ZFP69: variants seen among roughly 807,000 people sequenced by gnomAD.
The protein encoded by ZFP69 is zinc finger protein 69 homolog.
ZFP69 carries 35 observed loss-of-function variants against 48.9 expected under a neutral mutation model. That is an observed-to-expected ratio of 0.72 (90% CI 0.55 to 0.95). The LOEUF (loss-of-function observed/expected upper bound fraction) is 0.95, where lower values mean the gene tolerates loss of function less well. Ranked by LOEUF, ZFP69 falls within the 40% of genes least tolerant of loss-of-function variation. ZFP69 has a pLI of 0.00. For synonymous variants in ZFP69, 193 were observed against 216.8 expected (o/e 0.89, Z 0.96); for missense variants, 557 against 638.4 (o/e 0.87, Z 1.37).
Position 40,479,387 on chromosome 1 carries a change from T to C in ZFP69, c.26T>C (p.Leu9Pro). 2 of 1,613,978 alleles carry C rather than the reference T, an allele frequency of 1.2e-6. No homozygotes were observed. Among genetic ancestry groups the C allele is most frequent in the Non-Finnish European group, 1.7e-6 (2 of 1,179,936 alleles). MPQQLLITLPTEASTWVKL... is the reference protein window; with the variant it reads MPQQLLITPPTEASTWVKL... ...ATGCCACAGCAGCTCCTGATCACCC[T>C]GCCTACCGAGGCCAGCACCTGGGTG... Residue 9 changes from leucine (L) to proline (P), a missense_variant, in exon 2 of 6, where the codon CTG (leucine) becomes CCG (proline). Coordinates refer to ENST00000372706, the MANE Select transcript of ZFP69 (RefSeq NM_001320179.2).
rs56706952 is a variant in ZFP69 at position 40,483,226 on chromosome 1, A to ATTTTTTTTTTTTTTTTTTTTTTTTT, written c.219+1392_219+1393insTTTTTTTTTTTTTTTTTTTTTTTTT. ...AAAATCAAACCATACACCTTTTTTA[A>ATTTTTTTTTTTTTTTTTTTTTTTTT]TTTTTTTTTTTTTTTTTTTTAGAGA... is the stretch of plus-strand genomic sequence containing the variant. On this transcript the variant is annotated intron_variant, in intron 3 of 5. Coordinates refer to ENST00000372706, the MANE Select transcript of ZFP69 (RefSeq NM_001320179.2). Among the ~76,000 whole-genome samples, 55 of 116,950 alleles carry ATTTTTTTTTTTTTTTTTTTTTTTTT rather than the reference A, an allele frequency of 4.7e-4. 3 individuals are homozygous for ATTTTTTTTTTTTTTTTTTTTTTTTT. The highest frequency in any genetic ancestry group is 2.0e-3 in the African/African-American group (54 of 27,254). 76.7% of individuals were successfully genotyped at this position (116,950 alleles called of 152,430 possible).
intron 5 of ZFP69, among the ~76,000 whole-genome samples, chr1:40,494,614 T>A (rs1458410826): frequency 2.0e-5 from 3 of 146,922 alleles, no homozygotes; most frequent in Non-Finnish European, 3.0e-5. Flanking sequence ...TTTATAAATA[T>A]TTTATATATA....
rs184428926 is a variant in ZFP69 at position 40,478,855 on chromosome 1, G to T, written c.-326-181G>T. On this transcript the variant is annotated intron_variant, in intron 1 of 5. Transcript: ENST00000372706. ...CCCCGTCTGTGTCCAGGCAGAAGAT[G>T]CATGCAGCTTACAAGGAGGGAAGAT... 7.2e-5 allele frequency among the ~76,000 whole-genome samples: 11 copies of T among 152,270 alleles called. 1 individual carries two copies. The East Asian group carries it at 2.1e-3, about 29-fold the overall frequency.
At position 40,496,118 on chromosome 1, in the gene ZFP69, T is replaced by TA. The variant is rs1427119109; in HGVS notation, c.*63dup. The TA allele has an allele frequency of 1.3e-6, 2 of 1,496,920 alleles. No homozygotes were observed. 92.7% of individuals were successfully genotyped at this position (1,496,920 alleles called of 1,614,324 possible). On this transcript the variant is annotated 3_prime_UTR_variant, in exon 6 of 6. Transcript: ENST00000372706. ...TGTAAATTGGTGATTTAGAGTGCTT[T>TA]AAAATTTCAGGACTCAGATATGAGG...
At chr1:40,489,280 T>C (rs1018452149) in intron 4 of ZFP69, 66 bp downstream of exon 4, 25 of 1,572,770 alleles carry the variant, frequency 1.6e-5, no homozygotes, top group Non-Finnish European at 1.9e-5. Context: ...TTTTAAATTA[T>C]TGATGTGTAG....
intron 2 of ZFP69, among the ~76,000 whole-genome samples, chr1:40,479,836 G>A (rs552399717): frequency 6.6e-6 from 1 of 152,328 alleles, no homozygotes; most frequent in Admixed American, 6.5e-5. Flanking sequence ...TTCCTGCACA[G>A]GTTCCAGTCA....
intron 4 of ZFP69, 106 bp from the exon 5 acceptor site, chr1:40,489,423 C>T (rs1645539800): frequency 2.6e-6 from 3 of 1,169,848 alleles, no homozygotes; most frequent in Non-Finnish European, 3.7e-6. Flanking sequence ...AAGACCCACC[C>T]CTTTCCACTT....
intron 3 of ZFP69, among the ~76,000 whole-genome samples, chr1:40,487,909 T>C (rs1645518683): frequency 6.6e-6 from 1 of 151,910 alleles, no homozygotes; most frequent in Non-Finnish European, 1.5e-5. Flanking sequence ...TAGCTGGGCG[T>C]GGTGGCGTGC....
chr1:40,488,661 T>C (rs1488418277), intron 3 of ZFP69, among the ~76,000 whole-genome samples: 5 of 152,244 alleles, frequency 3.3e-5, no homozygotes, highest in Non-Finnish European at 7.3e-5. Context: ...CCTTTGCACC[T>C]GCCCAGGATG....
At chr1:40,484,012 G>T (rs1405493015) in intron 3 of ZFP69, among the ~76,000 whole-genome samples, 1 of 151,960 alleles carries the variant, frequency 6.6e-6, no homozygotes, top group Non-Finnish European at 1.5e-5. Flanking sequence ...GGAGGCGGAG[G>T]TTGCATGAGC....
chr1:40,483,733 A>T (rs1431278767), intron 3 of ZFP69, among the ~76,000 whole-genome samples: 1 of 152,186 alleles, frequency 6.6e-6, no homozygotes, highest in African/African-American at 2.4e-5. Flanking sequence ...CCAATCCTAG[A>T]TGGCAGATAT....
intron 5 of ZFP69, chr1:40,491,084 G>A (rs1645563059): frequency 6.6e-6 from 1 of 152,242 alleles, no homozygotes; most frequent in South Asian, 2.1e-4. Flanking sequence ...CTATATATCA[G>A]TGTATACATA....
chr1:40,478,122 T>TCTCACACACA (rs369707870), intron 1 of ZFP69, among the ~76,000 whole-genome samples: 5 of 147,148 alleles, frequency 3.4e-5, no homozygotes, highest in African/African-American at 1.0e-4. Context: ...CTGCATATAG[T>TCTCACACACA]CACACACACA....
intron 3 of ZFP69, among the ~76,000 whole-genome samples, chr1:40,486,284 T>C (rs1463886805): frequency 6.6e-6 from 1 of 151,890 alleles, no homozygotes; most frequent in Non-Finnish European, 1.5e-5. Flanking sequence ...TGTGGGTTGA[T>C]TTTTTTTCCT....
chr1:40,494,490 G>T (rs978441660), intron 5 of ZFP69, among the ~76,000 whole-genome samples: 2 of 145,634 alleles, frequency 1.4e-5, no homozygotes, highest in Non-Finnish European at 3.0e-5. Context: ...GGATGGTCTC[G>T]ATCTCCTGAC....
intron 5 of ZFP69, among the ~76,000 whole-genome samples, chr1:40,494,338 G>A (rs1007463635): frequency 5.4e-5 from 7 of 130,306 alleles, no homozygotes; most frequent in African/African-American, 1.8e-4. Context: ...GCGGGATCTC[G>A]GCTCACTGCA....
At chr1:40,486,091 T>G (rs1435018739) in intron 3 of ZFP69, among the ~76,000 whole-genome samples, 2 of 151,958 alleles carry the variant, frequency 1.3e-5, no homozygotes, top group African/African-American at 4.8e-5. Flanking sequence ...TTTTATTTTT[T>G]ATTTTGTGTA....
intron 1 of ZFP69, among the ~76,000 whole-genome samples, chr1:40,478,671 ATTGTCT>A (rs1645413528): frequency 6.6e-6 from 1 of 152,232 alleles, no homozygotes; most frequent in African/African-American, 2.4e-5. Context: ...TATGCCTAGC[ATTGTCT>A]CAACCAACAT....
rs777849287 is a variant in ZFP69 at position 40,494,959 on chromosome 1, A to G, written c.481A>G (p.Lys161Glu). 13 of 1,613,310 alleles carry G rather than the reference A, an allele frequency of 8.1e-6. No homozygotes were observed. Among genetic ancestry groups the G allele is most frequent in the Non-Finnish European group, 1.0e-5 (12 of 1,179,784 alleles). Residue 161 changes from lysine to glutamate, a missense_variant, in exon 6 of 6, where the codon AAG (lysine) becomes GAG (glutamate). Coordinates refer to ENST00000372706, the MANE Select transcript of ZFP69 (RefSeq NM_001320179.2). ...AATAGAAACCATTGAGTCAACTGCA[A>G]AGAGTACCATTTCACAGGAGCGCTT... ...SKIETIESTA[K>E]STISQERLYH... is the part of the protein sequence containing the mutation.
Sources: gnomAD v4.1 joint callset for allele counts (sites outside exome capture counted in the v4.1 genomes callset) on GRCh38, gnomAD v4.1.1 for gene constraint, MANE v1.5 for transcripts, NCBI Gene and HGNC (gene_info 2026-07-23, HGNC 2026-07-21) for gene names.